Variants in PEAK1 observed in about 807,000 individuals in gnomAD.
PEAK1 encodes pseudopodium enriched atypical kinase 1.
In PEAK1, 54 loss-of-function variants were observed where a neutral mutation model predicts 124.7. The ratio of observed to expected loss-of-function variants is 0.43; its 90% CI spans 0.35 to 0.54. PEAK1 has a LOEUF of 0.54. PEAK1 is among the 20% of genes least tolerant of loss of function. The probability of loss-of-function intolerance (pLI) is 0.01; values close to 1 mark genes in which losing one functional copy is unlikely to be tolerated. For missense variants in PEAK1, 2,046 were observed against 2,134.5 expected (o/e 0.96, Z 0.82); for synonymous variants, 719 against 760.0 (o/e 0.95, Z 0.89).
intron 6 of PEAK1, among the ~76,000 whole-genome samples, chr15:77,226,394 T>C (rs1427166439): frequency 6.6e-6 from 1 of 151,860 alleles, no homozygotes; most frequent in Non-Finnish European, 1.5e-5. Context: ...AAAAATCCAT[T>C]GTTCTATGGT....
chr15:77,218,438 T>C (rs2059241366), intron 6 of PEAK1, among the ~76,000 whole-genome samples: 1 of 152,156 alleles, frequency 6.6e-6, no homozygotes, highest in African/African-American at 2.4e-5. Flanking sequence ...ATTATGTTGA[T>C]AGATTGTCAG....
intron 6 of PEAK1, among the ~76,000 whole-genome samples, chr15:77,250,185 A>ATATATACATATATATACATATATATG (rs2060793875): frequency 2.7e-5 from 3 of 112,968 alleles, no homozygotes; most frequent in African/African-American, 8.7e-5. Context: ...GTATATGTAT[A>ATATATACATATATATACATATATATG]TATATACATA....
At chr15:77,258,388 C>T (rs1241224619) in intron 5 of PEAK1, among the ~76,000 whole-genome samples, 2 of 152,078 alleles carry the variant, frequency 1.3e-5, no homozygotes, top group African/African-American at 4.8e-5. Flanking sequence ...TTGTTGGTAT[C>T]CTCTTTTATT....
chr15:77,229,271 T>C (rs990868845), intron 6 of PEAK1, among the ~76,000 whole-genome samples: 6 of 152,206 alleles, frequency 3.9e-5, no homozygotes, highest in African/African-American at 1.4e-4. Context: ...ACAATGTGGC[T>C]AGTAATAACC....
intron 5 of PEAK1, among the ~76,000 whole-genome samples, chr15:77,274,015 C>A (rs894878363): frequency 6.6e-6 from 1 of 151,954 alleles, no homozygotes; most frequent in Non-Finnish European, 1.5e-5. Flanking sequence ...GCAACAAAAA[C>A]ATAAAGTAGG....
chr15:77,200,269 T>C (rs1474442963), intron 6 of PEAK1, among the ~76,000 whole-genome samples: 1 of 152,232 alleles, frequency 6.6e-6, no homozygotes, highest in East Asian at 1.9e-4. Context: ...CTTACTTTAT[T>C]GTAAGAATAT....
intron 6 of PEAK1, among the ~76,000 whole-genome samples, chr15:77,222,607 G>T (rs931842567): frequency 7.9e-5 from 12 of 151,918 alleles, no homozygotes; most frequent in African/African-American, 2.9e-4. Context: ...AGTTAAGTGG[G>T]AAAATCTCTG....
chr15:77,126,070 T>G (rs1189605592), intron 9 of PEAK1, among the ~76,000 whole-genome samples: 2 of 152,230 alleles, frequency 1.3e-5, no homozygotes, highest in Non-Finnish European at 2.9e-5. Context: ...CAAAATCTGA[T>G]TCTTGTTTTT....
chr15:77,223,301 T>C (rs1239434693), intron 6 of PEAK1, among the ~76,000 whole-genome samples: 1 of 152,070 alleles, frequency 6.6e-6, no homozygotes, highest in Non-Finnish European at 1.5e-5. Flanking sequence ...TAGTTTCATT[T>C]GCACCTTTCA....
intron 6 of PEAK1, among the ~76,000 whole-genome samples, chr15:77,242,820 C>T (rs1341533603): frequency 2.0e-5 from 3 of 152,110 alleles, no homozygotes; most frequent in Non-Finnish European, 2.9e-5. Flanking sequence ...TCTATCATGC[C>T]TCACTTATAA....
chr15:77,306,651 T>C (rs923554811), intron 2 of PEAK1, among the ~76,000 whole-genome samples: 1 of 152,158 alleles, frequency 6.6e-6, no homozygotes, highest in African/African-American at 2.4e-5. Context: ...TCTCGGCTGC[T>C]TTCCTCTGTC....
chr15:77,312,454 C>T (rs2064536416), intron 2 of PEAK1, among the ~76,000 whole-genome samples: 1 of 152,118 alleles, frequency 6.6e-6, no homozygotes, highest in African/African-American at 2.4e-5. Context: ...TATAAATAAA[C>T]AAATAACAAT....
chr15:77,177,904 A>G (rs2056983025), intron 7 of PEAK1: 1 of 152,190 alleles, frequency 6.6e-6, no homozygotes. Context: ...TAAGAATGCA[A>G]AATTATAAGG....
rs1187136296 is a variant in PEAK1, at chr15:77,111,637, G to A, written c.*2519C>T. On this transcript the variant is annotated 3_prime_UTR_variant, in exon 10 of 10. Coordinates refer to ENST00000682557, the MANE Select transcript of PEAK1 (RefSeq NM_001385026.1). ...ATGAAGAGGTGCTTGGTTTACCAGT[G>A]CTGTAAGATAATGGTAGTGGAGGTG... is the stretch of plus-strand genomic sequence containing the variant. The A allele has an allele frequency of 6.6e-6, 1 of 152,154 alleles. No individual in the cohort carries two copies. The highest frequency in any genetic ancestry group is 1.5e-5 in the Non-Finnish European group (1 of 68,014). 9.4% of individuals were successfully genotyped at this position (152,154 alleles called of 1,614,324 possible). A position where few individuals can be genotyped will look rare whatever the true frequency, so the allele number is the denominator to read the frequency against.
At chr15:77,270,923 C>G (rs78091410) in intron 5 of PEAK1, among the ~76,000 whole-genome samples, 134 of 152,116 alleles carry the variant, frequency 8.8e-4, no homozygotes, top group Non-Finnish European at 1.2e-3. Context: ...AGCCAAAATT[C>G]ACAAATGGGA....
intron 5 of PEAK1, among the ~76,000 whole-genome samples, chr15:77,275,908 G>A (rs963254989): frequency 3.3e-5 from 5 of 151,846 alleles, no homozygotes; most frequent in African/African-American, 1.2e-4. Flanking sequence ...TCTCAGCAAA[G>A]AAATACAGAA....
At chr15:77,334,106 T>C (rs1597338234) in intron 2 of PEAK1, 1 of 873,244 alleles carries the variant, frequency 1.1e-6, no homozygotes, top group African/African-American at 1.8e-5. Context: ...TAATTTGTAC[T>C]TGTTTTATCG....
At chr15:77,116,183 T>C (rs2051350372) in intron 9 of PEAK1, among the ~76,000 whole-genome samples, 1 of 152,190 alleles carries the variant, frequency 6.6e-6, no homozygotes. Flanking sequence ...AAAAAGTAAG[T>C]AAAACCACCC....
intron 2 of PEAK1, among the ~76,000 whole-genome samples, chr15:77,313,650 G>GTA (rs1309164453): frequency 1.7e-5 from 2 of 115,150 alleles, no homozygotes; most frequent in Non-Finnish European, 3.4e-5. Context: ...ATGTATGTAT[G>GTA]TATGTGTGTG....
Sources: allele counts gnomAD v4.1 joint callset (sites outside exome capture counted in the v4.1 genomes callset), GRCh38; gene constraint gnomAD v4.1.1; transcripts MANE v1.5; gene names NCBI Gene and HGNC (gene_info 2026-07-23, HGNC 2026-07-21).